MACROD2: variants seen among roughly 807,000 people sequenced by gnomAD.
MACROD2 encodes the protein mono-ADP ribosylhydrolase 2, also known as ADP-ribose glycohydrolase MACROD2.
In MACROD2, 36 loss-of-function variants were observed where a neutral mutation model predicts 70.4. The observed-to-expected ratio is 0.51, with a 90% confidence interval of 0.39 to 0.68. MACROD2 has a LOEUF of 0.68. Among genes scored for constraint, MACROD2 ranks in the 30% least tolerant of loss-of-function variants. The pLI, the probability that MACROD2 is intolerant of heterozygous loss-of-function variation, is 0.00. For synonymous variants in MACROD2, 172 were observed against 178.8 expected (o/e 0.96, Z 0.30); for missense variants, 496 against 538.4 (o/e 0.92, Z 0.78).
At chr20:15,521,330 G>A (rs148998885) in intron 8 of MACROD2, among the ~76,000 whole-genome samples, 203 of 152,264 alleles carry the variant, frequency 1.3e-3, no homozygotes, top group African/African-American at 4.1e-3. Flanking sequence ...GGAACTGGTC[G>A]ACTCTGGTTA....
chr20:15,494,708 G>A (rs1600492614), intron 7 of MACROD2, among the ~76,000 whole-genome samples: 2 of 151,188 alleles, frequency 1.3e-5, no homozygotes, highest in East Asian at 3.9e-4. Flanking sequence ...GGTATTAGAA[G>A]TATCTTATAC....
Position 16,051,584 on chromosome 20 carries a change from A to G in MACROD2, c.*1708A>G, listed in dbSNP as rs2067459070. ...CCTTCTGTTGCTATTCCAGTTTGAT[A>G]TGGAAGCATCTATATCCTCTATTGC... On this transcript the variant is annotated 3_prime_UTR_variant, in exon 18 of 18. Transcript: ENST00000684519. The G allele has an allele frequency of 6.6e-6, 1 of 152,204 alleles. No individual in the cohort carries two copies. Among genetic ancestry groups the G allele is most frequent in the African/African-American group, 2.4e-5 (1 of 41,460 alleles). 9.4% of individuals were successfully genotyped at this position (152,204 alleles called of 1,614,324 possible).
At chr20:15,572,549 A>C (rs987441452) in intron 8 of MACROD2, among the ~76,000 whole-genome samples, 1 of 152,148 alleles carries the variant, frequency 6.6e-6, no homozygotes, top group African/African-American at 2.4e-5. Flanking sequence ...TTCTCAGAAG[A>C]GCTGAGTCTG....
chr20:15,164,085 G>T (rs116425901), intron 5 of MACROD2, among the ~76,000 whole-genome samples: 1 of 151,920 alleles, frequency 6.6e-6, no homozygotes, highest in Non-Finnish European at 1.5e-5. Flanking sequence ...TTGTTATTTC[G>T]CAAAATTTAA....
intron 4 of MACROD2, among the ~76,000 whole-genome samples, chr20:14,592,668 T>C (rs1372226701): frequency 1.3e-5 from 2 of 152,134 alleles, no homozygotes; most frequent in Non-Finnish European, 2.9e-5. Flanking sequence ...AGTTCTCACT[T>C]TGGAGATTGA....
At chr20:14,339,134 T>C (rs1305735246) in intron 3 of MACROD2, among the ~76,000 whole-genome samples, 7 of 152,260 alleles carry the variant, frequency 4.6e-5, no homozygotes, top group African/African-American at 1.4e-4. Flanking sequence ...TTTATATATT[T>C]GTTTGATAAC....
intron 15 of MACROD2, among the ~76,000 whole-genome samples, chr20:16,016,993 T>C (rs2066938535): frequency 6.6e-6 from 1 of 152,222 alleles, no homozygotes; most frequent in Non-Finnish European, 1.5e-5. Context: ...AAAACTACCT[T>C]TCACATCAAT....
rs1350375038 is a variant in MACROD2, at chr20:15,609,670, A to T, written c.645+109823A>T. The stretch of plus-strand genomic sequence containing the variant: ...TGTCATGATAGAATGCAAAGGAACG[A>T]CGGGAGGTATTGAGACCTGCAACTC... On this transcript the variant is annotated intron_variant, in intron 8 of 17. Transcript: ENST00000684519. Among the ~76,000 whole-genome samples, 8 of 152,234 alleles carry T rather than the reference A, an allele frequency of 5.3e-5. No homozygotes were observed. The East Asian group carries it at 1.5e-3, about 29-fold the overall frequency.
chr20:14,960,390 G>A (rs989827777), intron 5 of MACROD2, among the ~76,000 whole-genome samples: 1 of 152,236 alleles, frequency 6.6e-6, no homozygotes. Context: ...CTTCCCAGGG[G>A]GAGGTCTGTG....
intron 2 of MACROD2, among the ~76,000 whole-genome samples, 166 bp from the exon 3 acceptor site, chr20:14,085,455 A>G (rs975258390): frequency 6.6e-6 from 1 of 152,116 alleles, no homozygotes; most frequent in Non-Finnish European, 1.5e-5. Context: ...GAGAATTACA[A>G]AATAGAGAAT....
chr20:15,860,419 G>A (rs931726037), intron 8 of MACROD2, among the ~76,000 whole-genome samples: 4 of 152,060 alleles, frequency 2.6e-5, no homozygotes, highest in East Asian at 1.9e-4. Flanking sequence ...TTCTGATCAC[G>A]TAAAGCCTGG....
Position 15,341,049 on chromosome 20 carries a change from A to G in MACROD2, c.541-90356A>G, listed in dbSNP as rs535100140. ...GCTTCTTCTATAAATAGCTGATCCC[A>G]TATATTATGGAAAGAGAGGTTACTT... On this transcript the variant is annotated intron_variant, in intron 6 of 17. Coordinates refer to ENST00000684519, the MANE Select transcript of MACROD2 (RefSeq NM_001351661.2). Among the ~76,000 whole-genome samples, 3 of 152,282 alleles carry G rather than the reference A, an allele frequency of 2.0e-5. No homozygotes were observed. In the South Asian group the frequency reaches 6.2e-4, roughly 32 times the overall value.
chr20:15,629,890 A>T (rs1366751281), intron 8 of MACROD2, among the ~76,000 whole-genome samples: 2 of 152,210 alleles, frequency 1.3e-5, no homozygotes, highest in African/African-American at 4.8e-5. Context: ...TCTACACAGG[A>T]CTCAGAGGAA....
At position 15,908,761 on chromosome 20, in the gene MACROD2, A is replaced by G. The variant is rs75662187; in HGVS notation, c.775+22950A>G. Among the ~76,000 whole-genome samples, 837 of 151,952 alleles carry G rather than the reference A, an allele frequency of 5.5e-3. 32 individuals carry two copies. The East Asian group carries it at 0.11, about 20-fold the overall frequency. On this transcript the variant is annotated intron_variant, in intron 10 of 17. Transcript: ENST00000684519. ...CTCTTATTTCTTCCCTTCCTGTTGC[A>G]TTTTCACTGGCATTGCATGGGATTT...
chr20:14,850,605 C>T (rs2073189588), intron 5 of MACROD2: 1 of 152,106 alleles, frequency 6.6e-6, no homozygotes, highest in East Asian at 1.9e-4. Context: ...ATGGGAAATC[C>T]AGGACACCCC....
Position 15,679,305 on chromosome 20 carries a change from G to A in MACROD2, c.645+179458G>A, listed in dbSNP as rs118140875. ...ACTGGCTTCCACATGCCACTGAGCA[G>A]GGAGCACACATGTGGCCAAGGGAAA... On this transcript the variant is annotated intron_variant, in intron 8 of 17. Transcript: ENST00000684519. 9.0e-3 allele frequency among the ~76,000 whole-genome samples: 1,368 copies of A among 151,952 alleles called. 15 individuals carry two copies. Among genetic ancestry groups the A allele is most frequent in the Middle Eastern group, 0.024 (7 of 294 alleles).
Position 14,456,134 on chromosome 20 carries a change from T to C in MACROD2, c.272-37345T>C, listed in dbSNP as rs557756110. 2.0e-5 allele frequency among the ~76,000 whole-genome samples: 3 copies of C among 151,996 alleles called. No homozygotes were observed. The East Asian group carries it at 5.8e-4, about 29-fold the overall frequency. On this transcript the variant is annotated intron_variant, in intron 3 of 17. Transcript: ENST00000684519. ...ATAGCATATTAATAAGGATTTCTTA[T>C]GTGTTCATAGATATTTTATATAATT... is the stretch of plus-strand genomic sequence containing the variant.
intron 4 of MACROD2, among the ~76,000 whole-genome samples, chr20:14,510,369 A>G (rs1251248905): frequency 6.6e-6 from 1 of 152,104 alleles, no homozygotes; most frequent in Non-Finnish European, 1.5e-5. Flanking sequence ...AATGAGAAAA[A>G]CATGAGAATT....
At chr20:14,910,527 T>G (rs1467943120) in intron 5 of MACROD2, among the ~76,000 whole-genome samples, 1 of 152,182 alleles carries the variant, frequency 6.6e-6, no homozygotes, top group African/African-American at 2.4e-5. Flanking sequence ...GAAAGGAAAT[T>G]TGTTGAGAGC....
Sources: gnomAD v4.1 joint callset for allele counts (sites outside exome capture counted in the v4.1 genomes callset) on GRCh38, gnomAD v4.1.1 for gene constraint, MANE v1.5 for transcripts, NCBI Gene and HGNC (gene_info 2026-07-23, HGNC 2026-07-21) for gene names.